Variants in EPHB1 observed in about 807,000 individuals in gnomAD.
The protein encoded by EPHB1 is EPH receptor B1, also known as ephrin type-B receptor 1.
A neutral mutation model predicts 94.4 loss-of-function variants in EPHB1; 30 were observed. The ratio of observed to expected loss-of-function variants is 0.32; its 90% CI spans 0.24 to 0.43. EPHB1 has a LOEUF of 0.43. Among genes scored for constraint, EPHB1 ranks in the 20% least tolerant of loss-of-function variants. The probability of loss-of-function intolerance (pLI) is 1.00; values close to 1 mark genes in which losing one functional copy is unlikely to be tolerated. For missense variants in EPHB1, 1,055 were observed against 1,308.3 expected, an observed-to-expected ratio of 0.81 and a Z score of 2.99; for synonymous variants, 522 against 489.1, an observed-to-expected ratio of 1.07 and a Z score of -0.89.
chr3:135,129,944 G>T (rs1319816174), intron 4 of EPHB1, among the ~76,000 whole-genome samples: 3 of 152,170 alleles, frequency 2.0e-5, no homozygotes, highest in Non-Finnish European at 4.4e-5. Flanking sequence ...AAGGTCAACT[G>T]CCAGGGATGA....
At chr3:135,028,921 C>T (rs1191367960) in intron 3 of EPHB1, among the ~76,000 whole-genome samples, 2 of 119,946 alleles carry the variant, frequency 1.7e-5, no homozygotes, top group African/African-American at 3.0e-5. Context: ...GTATTGGGTG[C>T]ATATATATTT....
At chr3:135,186,132 CAT>C in intron 10 of EPHB1, among the ~76,000 whole-genome samples, 1 of 152,308 alleles carries the variant, frequency 6.6e-6, no homozygotes, top group African/African-American at 2.4e-5. Context: ...TATATACACT[CAT>C]ATGTGATATA....
chr3:134,830,382 C>T (rs1205135534), intron 1 of EPHB1, among the ~76,000 whole-genome samples: 1 of 152,038 alleles, frequency 6.6e-6, no homozygotes, highest in African/African-American at 2.4e-5. Context: ...TTTCCTATTG[C>T]CTTTATTGCA....
intron 1 of EPHB1, among the ~76,000 whole-genome samples, chr3:134,859,538 C>G (rs951705119): frequency 5.3e-5 from 8 of 152,086 alleles, no homozygotes; most frequent in African/African-American, 1.9e-4. Flanking sequence ...CCTGGTGTCC[C>G]CACCCCCTGG....
chr3:135,060,055 T>C, intron 3 of EPHB1, among the ~76,000 whole-genome samples: 1 of 152,256 alleles, frequency 6.6e-6, no homozygotes, highest in East Asian at 1.9e-4. Flanking sequence ...TTTAACGTAC[T>C]GTAAAATTCA....
chr3:134,863,372 G>A lies in EPHB1; in HGVS notation c.59-62444G>A, dbSNP rs115192156. 5.6e-3 allele frequency among the ~76,000 whole-genome samples: 848 copies of A among 152,270 alleles called. 6 individuals carry two copies. The highest frequency in any genetic ancestry group is 0.019 in the African/African-American group (803 of 41,554). Reference sequence around the variant, plus strand: ...AGTCAAGAGTTTAAGTTAAGAAATAGGATTAACTGGCCAGGTGTGGTAGCT... The same window carrying A: ...AGTCAAGAGTTTAAGTTAAGAAATAAGATTAACTGGCCAGGTGTGGTAGCT... On this transcript the variant is annotated intron_variant, in intron 1 of 15. Transcript: ENST00000398015.
intron 3 of EPHB1, among the ~76,000 whole-genome samples, chr3:135,048,556 C>T (rs1166511989): frequency 1.3e-5 from 2 of 152,176 alleles, no homozygotes. Flanking sequence ...AGGCATGAGT[C>T]ATTGCATCCT....
At chr3:135,146,588 C>G (rs1046632803) in intron 5 of EPHB1, among the ~76,000 whole-genome samples, 3 of 152,210 alleles carry the variant, frequency 2.0e-5, no homozygotes, top group Non-Finnish European at 2.9e-5. Context: ...TTCTAGGTTG[C>G]TTCAGGTTAT....
At chr3:134,996,497 A>G (rs561132703) in intron 3 of EPHB1, among the ~76,000 whole-genome samples, 2 of 152,264 alleles carry the variant, frequency 1.3e-5, no homozygotes, top group East Asian at 3.9e-4. Context: ...ATAATAGATA[A>G]TATTCTTAAG....
intron 1 of EPHB1, among the ~76,000 whole-genome samples, chr3:134,903,467 C>T (rs1003276591): frequency 2.0e-5 from 3 of 152,320 alleles, no homozygotes; most frequent in Admixed American, 1.3e-4. Flanking sequence ...GATGTGCTGA[C>T]GTGCACAGTG....
At chr3:134,995,712 A>C (rs1159214310) in intron 3 of EPHB1, among the ~76,000 whole-genome samples, 1 of 152,262 alleles carries the variant, frequency 6.6e-6, no homozygotes, top group African/African-American at 2.4e-5. Context: ...AAAATGGTAC[A>C]ACCACTTTAA....
At chr3:134,919,116 A>G (rs2038626977) in intron 1 of EPHB1, among the ~76,000 whole-genome samples, 1 of 152,212 alleles carries the variant, frequency 6.6e-6, no homozygotes, top group African/African-American at 2.4e-5. Flanking sequence ...CATCTGAAAA[A>G]GATGCTGTAA....
rs190094583 is a variant in EPHB1 at position 135,182,656 on chromosome 3, G to A, written c.1882+2674G>A. On this transcript the variant is annotated intron_variant, in intron 10 of 15. Coordinates refer to ENST00000398015, the MANE Select transcript of EPHB1 (RefSeq NM_004441.5). ...CTGCAAAGAATGACCTTTGGCCTGA[G>A]CCTTCAAGGATAAACACTAGTAGAA... 1.3e-3 allele frequency among the ~76,000 whole-genome samples: 196 copies of A among 151,980 alleles called. No homozygotes were observed. The Middle Eastern group carries it at 0.02, about 16-fold the overall frequency.
chr3:135,077,719 C>T (rs925904371), intron 3 of EPHB1, among the ~76,000 whole-genome samples: 4 of 152,194 alleles, frequency 2.6e-5, no homozygotes, highest in African/African-American at 7.2e-5. Flanking sequence ...ACAGGAGGGA[C>T]TAGAGCCGAC....
chr3:134,835,598 A>G (rs1297105689), intron 1 of EPHB1, among the ~76,000 whole-genome samples: 1 of 152,192 alleles, frequency 6.6e-6, no homozygotes, highest in African/African-American at 2.4e-5. Flanking sequence ...AAAAAGCAGG[A>G]GCCAAGATTC....
chr3:135,049,815 C>T (rs893432494), intron 3 of EPHB1, among the ~76,000 whole-genome samples: 1 of 152,180 alleles, frequency 6.6e-6, no homozygotes, highest in African/African-American at 2.4e-5. Flanking sequence ...GAAACCAGGC[C>T]TCCTGTCCAT....
At chr3:135,072,315 G>T (rs970800902) in intron 3 of EPHB1, among the ~76,000 whole-genome samples, 13 of 152,164 alleles carry the variant, frequency 8.5e-5, no homozygotes, top group African/African-American at 3.1e-4. Context: ...ACCTAGGAGG[G>T]GGAGGCTGCA....
chr3:135,123,319 A>C (rs1940053236), intron 4 of EPHB1, among the ~76,000 whole-genome samples: 1 of 152,226 alleles, frequency 6.6e-6, no homozygotes, highest in South Asian at 2.1e-4. Context: ...CTAAGACAGT[A>C]CTTTGCATAC....
chr3:134,927,799 G>C lies in EPHB1; in HGVS notation c.123+1919G>C, dbSNP rs114258661. Among the ~76,000 whole-genome samples, 986 of 152,346 alleles carry C rather than the reference G, an allele frequency of 6.5e-3. 15 individuals carry two copies. The highest frequency in any genetic ancestry group is 0.023 in the African/African-American group (942 of 41,580). ...CCACCTGCTACCAGCATGCTCAGCT[G>C]CCTTTCCCCAACACTCATTGTGAGG... On this transcript the variant is annotated intron_variant, in intron 2 of 15. Coordinates refer to ENST00000398015, the MANE Select transcript of EPHB1 (RefSeq NM_004441.5).
Sources: gnomAD v4.1 joint callset for allele counts (sites outside exome capture counted in the v4.1 genomes callset) on GRCh38, gnomAD v4.1.1 for gene constraint, MANE v1.5 for transcripts, NCBI Gene and HGNC (gene_info 2026-07-23, HGNC 2026-07-21) for gene names.